The following ANK1 variants were observed in gnomAD, a reference collection of about 807,000 sequenced individuals.
ANK1 encodes ankyrin 1.
Under a neutral mutation model 210.4 loss-of-function variants are expected in ANK1, and 51 were observed. The ratio of observed to expected loss-of-function variants is 0.24; its 90% CI spans 0.19 to 0.31. The LOEUF (loss-of-function observed/expected upper bound fraction) is 0.31. Ranked by LOEUF, ANK1 falls within the 10% of genes least tolerant of loss-of-function variation. The probability of loss-of-function intolerance (pLI) is 1.00; values close to 1 mark genes in which losing one functional copy is unlikely to be tolerated. For synonymous variants in ANK1, 967 were observed against 1,025.9 expected, an observed-to-expected ratio of 0.94 and a Z score of 1.10; for missense variants, 2,051 against 2,504.4, an observed-to-expected ratio of 0.82 and a Z score of 3.86.
intron 1 of ANK1, among the ~76,000 whole-genome samples, chr8:41,778,255 G>C (rs761065617): frequency 6.6e-6 from 1 of 152,182 alleles, no homozygotes; most frequent in Non-Finnish European, 1.5e-5. Flanking sequence ...GACAATAAAA[G>C]GGTCAAATAC....
At chr8:41,765,236 CTT>C (rs1841505138) in intron 1 of ANK1, among the ~76,000 whole-genome samples, 1 of 146,994 alleles carries the variant, frequency 6.8e-6, no homozygotes, top group Non-Finnish European at 1.5e-5. Context: ...CTCTCTCTCT[CTT>C]CTCCATTTCT....
At chr8:41,706,929 A>G (rs1824752837) in intron 17 of ANK1, among the ~76,000 whole-genome samples, 1 of 152,214 alleles carries the variant, frequency 6.6e-6, no homozygotes, top group South Asian at 2.1e-4. Context: ...TGAGACCTCC[A>G]TCTTTACTAA....
chr8:41,885,247 C>T (rs1446623352), intron 1 of ANK1, among the ~76,000 whole-genome samples: 2 of 152,060 alleles, frequency 1.3e-5, no homozygotes, highest in Admixed American at 1.3e-4. Context: ...AAAGTTTTTC[C>T]GTCTGTGTCT....
At chr8:41,802,959 G>A (rs1233954060) in intron 1 of ANK1, among the ~76,000 whole-genome samples, 12 of 34,260 alleles carry the variant, frequency 3.5e-4, no homozygotes, top group African/African-American at 9.3e-4. Flanking sequence ...GGGGGGGGGG[G>A]AGAGAGAGAG....
At chr8:41,885,057 T>G (rs1818228841) in intron 1 of ANK1, among the ~76,000 whole-genome samples, 1 of 151,606 alleles carries the variant, frequency 6.6e-6, no homozygotes, top group Non-Finnish European at 1.5e-5. Context: ...CTATCACATT[T>G]GTGTTTGAAA....
At chr8:41,686,096 C>G in intron 36 of ANK1, 56 bp downstream of exon 36, 1 of 1,613,642 alleles carries the variant, frequency 6.2e-7, no homozygotes, top group Non-Finnish European at 8.5e-7. Flanking sequence ...GAAGGAAGAA[C>G]TAGTTTGGTG....
chr8:41,825,326 C>G (rs1805178176), intron 1 of ANK1, among the ~76,000 whole-genome samples: 3 of 152,228 alleles, frequency 2.0e-5, no homozygotes, highest in African/African-American at 4.8e-5. Context: ...TGTAAATGAT[C>G]AATACTCTAT....
chr8:41,777,576 C>T (rs1406742295), intron 1 of ANK1, among the ~76,000 whole-genome samples: 1 of 151,942 alleles, frequency 6.6e-6, no homozygotes, highest in Non-Finnish European at 1.5e-5. Flanking sequence ...AGCAAGACTC[C>T]GTCTCAAAAA....
chr8:41,699,703 C>T (rs1351717883), intron 22 of ANK1, among the ~76,000 whole-genome samples, 155 bp from the exon 23 acceptor site: 1 of 152,188 alleles, frequency 6.6e-6, no homozygotes, highest in Non-Finnish European at 1.5e-5. Context: ...AATGTCTTTG[C>T]CCAGTCCTGG....
chr8:41,715,816 T>C lies in ANK1; in HGVS notation c.1438A>G (p.Ile480Val), dbSNP rs544269725. 7.4e-6 allele frequency: 12 copies of C among 1,614,234 alleles called. No homozygotes were observed. The highest frequency in any genetic ancestry group is 3.3e-4 in the Middle Eastern group (2 of 6,052). Residue 480 changes from isoleucine to valine, a missense_variant, in exon 14 of 43, where the codon ATC (isoleucine) becomes GTC (valine). By Grantham distance (29) the Ile-to-Val change is conservative (BLOSUM62 3). Transcript: ENST00000289734. Reference protein sequence around the residue: ...DQTPLHCAARIGHTNMVKLLL... With the variant: ...DQTPLHCAARVGHTNMVKLLL... ...AGCTTCACCATGTTTGTGTGGCCGA[T>C]GCGAGCTGCACAGTGAAGTGGGGTC... is the stretch of plus-strand genomic sequence containing the variant.
chr8:41,877,797 A>G (rs1002840163), intron 1 of ANK1, among the ~76,000 whole-genome samples: 1 of 152,204 alleles, frequency 6.6e-6, no homozygotes, highest in South Asian at 2.1e-4. Context: ...AAGGACAACA[A>G]AAAGGAGTAG....
Position 41,688,548 on chromosome 8 carries a change from C to G in ANK1, c.4146G>C (p.Leu1382=). The G allele has an allele frequency of 6.2e-7, 1 of 1,614,164 alleles. No individual in the cohort carries two copies. The highest frequency in any genetic ancestry group is 2.2e-5 in the East Asian group (1 of 44,886). ...AEDRRRTPTP[L]ALRYSILSES... ...CACTGAGAATGCTGTATCGCAGGGCCAGGGGCGTCGGGGTCCTTCTCCTAT... is the reference window on the plus strand; with the variant it reads ...CACTGAGAATGCTGTATCGCAGGGCGAGGGGCGTCGGGGTCCTTCTCCTAT... Residue 1382 remains leucine, a synonymous_variant, in exon 34 of 43, where the codon CTG becomes CTC. Coordinates refer to ENST00000289734, the MANE Select transcript of ANK1 (RefSeq NM_000037.4).
intron 13 of ANK1, among the ~76,000 whole-genome samples, chr8:41,716,412 G>T (rs937258523): frequency 3.3e-5 from 5 of 152,032 alleles, no homozygotes; most frequent in Non-Finnish European, 7.4e-5. Context: ...GGTCTCATGG[G>T]GCCCAGCTGG....
intron 1 of ANK1, among the ~76,000 whole-genome samples, chr8:41,833,937 G>A (rs1012594003): frequency 1.3e-5 from 2 of 152,214 alleles, no homozygotes; most frequent in Non-Finnish European, 2.9e-5. Flanking sequence ...GCCAGGAAGA[G>A]GCTGCGGAGG....
rs72638943 is a variant in ANK1 at position 41,653,891 on chromosome 8, C to T, written c.*1899G>A. 6,802 of 152,298 alleles carry T rather than the reference C, an allele frequency of 0.045. 220 individuals carry two copies. Among genetic ancestry groups the T allele is most frequent in the African/African-American group, 0.085 (3,530 of 41,562 alleles). 9.4% of individuals were successfully genotyped at this position (152,298 alleles called of 1,614,324 possible). On this transcript the variant is annotated 3_prime_UTR_variant, in exon 43 of 43. Transcript: ENST00000289734. ...CCCCTCTAAAGGAAGCAAAAGCAGC[C>T]CCACCCCCGGCCGACAAGGCGCCTA...
Position 41,654,187 on chromosome 8 carries a change from G to C in ANK1, c.*1603C>G, listed in dbSNP as rs746821020. 11 of 152,698 alleles carry C rather than the reference G, an allele frequency of 7.2e-5. No homozygotes were observed. Among genetic ancestry groups the C allele is most frequent in the Non-Finnish European group, 1.5e-4 (10 of 68,086 alleles). The allele number at this position is 152,698 out of a possible 1,614,324, so 9.5% of individuals were successfully genotyped here. On this transcript the variant is annotated 3_prime_UTR_variant, in exon 43 of 43. Coordinates refer to ENST00000289734, the MANE Select transcript of ANK1 (RefSeq NM_000037.4). ...CTGGGGGCGCCCGCCGCGAGGGCGG[G>C]GCCGGGATTGTGCTGATTCTGGCCT... is the stretch of plus-strand genomic sequence containing the variant.
chr8:41,658,966 T>C (rs4415368), intron 42 of ANK1, among the ~76,000 whole-genome samples: 54,376 of 152,170 alleles, frequency 0.36, 10,169 homozygotes, highest in African/African-American at 0.46. Context: ...TAGCAAATAC[T>C]GAACCACTGC....
At chr8:41,798,202 GC>G (rs59223145), upstream of ANK1, among the ~76,000 whole-genome samples, 4,182 of 151,940 alleles carry the variant, frequency 0.028, 201 homozygotes, top group African/African-American at 0.094. Flanking sequence ...CGGCCCCTCC[GC>G]CCCCCGGGGA....
chr8:41,716,202 G>T (rs1205923419), intron 13 of ANK1, among the ~76,000 whole-genome samples: 1 of 152,068 alleles, frequency 6.6e-6, no homozygotes, highest in African/African-American at 2.4e-5. Context: ...TGCATAAAAG[G>T]CACTCAATGC....
Sources: gnomAD v4.1 joint callset for allele counts (sites outside exome capture counted in the v4.1 genomes callset) on GRCh38, gnomAD v4.1.1 for gene constraint, MANE v1.5 for transcripts, NCBI Gene and HGNC (gene_info 2026-07-23, HGNC 2026-07-21) for gene names.